The following RBM47 variants were observed in gnomAD, a reference collection of about 807,000 sequenced individuals.
RBM47 encodes the protein RNA binding motif protein 47.
A neutral mutation model predicts 47.1 loss-of-function variants in RBM47; 21 were observed. That is an observed-to-expected ratio of 0.45 (90% CI 0.32 to 0.64). The LOEUF (loss-of-function observed/expected upper bound fraction) is 0.64. RBM47 is among the 30% of genes least tolerant of loss of function. The pLI is 0.05. For synonymous variants in RBM47, 375 were observed against 361.7 expected (o/e 1.04, Z -0.42); for missense variants, 708 against 870.9 (o/e 0.81, Z 2.35).
At chr4:40,622,148 G>A (rs532372782) in intron 1 of RBM47, among the ~76,000 whole-genome samples, 140 of 152,340 alleles carry the variant, frequency 9.2e-4, no homozygotes, top group African/African-American at 3.1e-3. Context: ...ACCAATGAAT[G>A]AAGTAGACAT....
intron 1 of RBM47, among the ~76,000 whole-genome samples, chr4:40,609,295 A>T (rs1286056219): frequency 6.9e-6 from 1 of 144,722 alleles, no homozygotes; most frequent in Admixed American, 6.9e-5. Context: ...TGGCCTGCTA[A>T]TTTTTTATTT....
chr4:40,481,445 GTAT>G (rs71647001), intron 2 of RBM47, among the ~76,000 whole-genome samples: 8,085 of 126,830 alleles, frequency 0.064, 284 homozygotes, highest in South Asian at 0.14. Flanking sequence ...GCTAATTTTT[GTAT>G]TATTATTATT....
At chr4:40,470,707 GA>G (rs1718727684) in intron 2 of RBM47, among the ~76,000 whole-genome samples, 1 of 152,070 alleles carries the variant, frequency 6.6e-6, no homozygotes, top group Non-Finnish European at 1.5e-5. Flanking sequence ...CTCCACCAAG[GA>G]ATGATAATTC....
intron 1 of RBM47, among the ~76,000 whole-genome samples, chr4:40,563,906 T>C (rs1489009186): frequency 6.6e-6 from 1 of 152,056 alleles, no homozygotes; most frequent in African/African-American, 2.4e-5. Context: ...AGCAAAAATG[T>C]AAAAAAGAAA....
intron 2 of RBM47, among the ~76,000 whole-genome samples, chr4:40,517,565 A>C (rs1725725887): frequency 6.6e-6 from 1 of 152,226 alleles, no homozygotes; most frequent in Non-Finnish European, 1.5e-5. Context: ...ATCTGAATCC[A>C]AAACAGTGTT....
intron 2 of RBM47, among the ~76,000 whole-genome samples, chr4:40,486,200 T>C (rs1306203931): frequency 6.6e-6 from 1 of 152,010 alleles, no homozygotes; most frequent in African/African-American, 2.4e-5. Flanking sequence ...CCAATCACTC[T>C]TCCTTTTTCC....
intron 1 of RBM47, among the ~76,000 whole-genome samples, chr4:40,593,405 GC>G (rs770037291): frequency 6.6e-6 from 1 of 152,008 alleles, no homozygotes; most frequent in African/African-American, 2.4e-5. Context: ...CAGTAGGGAG[GC>G]CCCTGGAAGA....
chr4:40,531,847 C>T (rs900479755), intron 2 of RBM47, among the ~76,000 whole-genome samples: 1 of 151,802 alleles, frequency 6.6e-6, no homozygotes, highest in African/African-American at 2.4e-5. Context: ...GATGGTAGTG[C>T]GAATGAAGAG....
chr4:40,527,044 G>T (rs115955728), intron 2 of RBM47, among the ~76,000 whole-genome samples: 1,619 of 152,138 alleles, frequency 0.011, 27 homozygotes, highest in African/African-American at 0.031. Flanking sequence ...CTGTGGCAGA[G>T]AATTTAATCT....
chr4:40,585,121 T>C (rs1034566979), intron 1 of RBM47, among the ~76,000 whole-genome samples: 3 of 152,364 alleles, frequency 2.0e-5, no homozygotes, highest in African/African-American at 7.2e-5. Flanking sequence ...CTAGTCCATG[T>C]GACTGGACTA....
At chr4:40,587,742 G>C (rs1327689350) in intron 1 of RBM47, among the ~76,000 whole-genome samples, 2 of 152,222 alleles carry the variant, frequency 1.3e-5, no homozygotes, top group Non-Finnish European at 2.9e-5. Context: ...AGAATTACCT[G>C]AGTTGGAGAG....
chr4:40,604,874 G>A (rs1474786950), intron 1 of RBM47, among the ~76,000 whole-genome samples: 5 of 152,020 alleles, frequency 3.3e-5, no homozygotes, highest in African/African-American at 1.2e-4. Context: ...ACACCACCAC[G>A]CCTGACTAAT....
chr4:40,556,237 T>C (rs1252887502), intron 1 of RBM47, among the ~76,000 whole-genome samples: 2 of 151,998 alleles, frequency 1.3e-5, no homozygotes, highest in East Asian at 2.0e-4. Context: ...GGTTTCACCA[T>C]GTTGGCCAGA....
chr4:40,476,605 G>A (rs913252521), intron 2 of RBM47, among the ~76,000 whole-genome samples: 2 of 152,216 alleles, frequency 1.3e-5, no homozygotes, highest in East Asian at 3.9e-4. Context: ...CTTAAGCTGA[G>A]TAAATACACT....
At chr4:40,536,844 G>A (rs1296074168) in intron 2 of RBM47, among the ~76,000 whole-genome samples, 1 of 152,022 alleles carries the variant, frequency 6.6e-6, no homozygotes, top group Non-Finnish European at 1.5e-5. Flanking sequence ...TCCTGCCTCA[G>A]CCTCCTTAGT....
At chr4:40,629,333 A>T (rs1044933327) in intron 1 of RBM47, 63 bp downstream of exon 1, 11 of 152,268 alleles carry the variant, frequency 7.2e-5, no homozygotes, top group African/African-American at 2.6e-4. Flanking sequence ...ACACTTCAAA[A>T]ATTGGGACCC....
At chr4:40,486,663 C>A (rs1248834420) in intron 2 of RBM47, among the ~76,000 whole-genome samples, 1 of 152,070 alleles carries the variant, frequency 6.6e-6, no homozygotes, top group Admixed American at 6.5e-5. Flanking sequence ...AATCTTACCC[C>A]CAGTAGAGGA....
At chr4:40,440,788 C>T (rs1056825492) in intron 3 of RBM47, among the ~76,000 whole-genome samples, 6 of 152,102 alleles carry the variant, frequency 3.9e-5, no homozygotes, top group African/African-American at 1.4e-4. Context: ...TAGTATTAAC[C>T]TCATTAAGTT....
chr4:40,498,817 T>C (rs572046403), intron 2 of RBM47, among the ~76,000 whole-genome samples: 1 of 152,260 alleles, frequency 6.6e-6, no homozygotes, highest in South Asian at 2.1e-4. Flanking sequence ...AATGTGACTG[T>C]GATTTGGTGC....
Sources: allele counts gnomAD v4.1 joint callset (sites outside exome capture counted in the v4.1 genomes callset), GRCh38; gene constraint gnomAD v4.1.1; transcripts MANE v1.5; gene names NCBI Gene and HGNC (gene_info 2026-07-23, HGNC 2026-07-21).